Variants in PIBF1 observed in about 807,000 individuals in gnomAD.
PIBF1 encodes progesterone immunomodulatory binding factor 1.
Under a neutral mutation model 112.5 loss-of-function variants are expected in PIBF1, and 90 were observed. That is an observed-to-expected ratio of 0.80 (90% CI 0.67 to 0.95). PIBF1 has a LOEUF of 0.95. PIBF1 is among the 40% of genes least tolerant of loss of function. The pLI is 0.00. For missense variants in PIBF1, 915 were observed against 852.3 expected (o/e 1.07, Z -0.92); for synonymous variants, 301 against 288.6 (o/e 1.04, Z -0.44).
intron 15 of PIBF1, 86 bp downstream of exon 15, chr13:72,965,490 G>T (rs2138913459): frequency 9.2e-7 from 1 of 1,084,370 alleles, no homozygotes; most frequent in Non-Finnish European, 1.3e-6. Flanking sequence ...TGTAAATCAT[G>T]AACAGAAAAT....
In PIBF1 at chr13:72,783,601, C is replaced by T; in HGVS notation, c.132C>T (p.Val44=). ...CATCAGAAGAGCGAGAGGGCAAAGT[C>T]AGAATCACCAGGCAGCTAATTGAAC... ...ISSSEEREGK[V]RITRQLIERK... is the part of the protein sequence containing the mutation. Residue 44 remains valine, a synonymous_variant, in exon 2 of 18, where the codon GTC becomes GTT. Coordinates refer to ENST00000326291, the MANE Select transcript of PIBF1 (RefSeq NM_006346.4). 6.2e-7 allele frequency: 1 copy of T among 1,614,048 alleles called. No homozygotes were observed. The highest frequency in any genetic ancestry group is 8.5e-7 in the Non-Finnish European group (1 of 1,179,962).
At chr13:72,977,159 C>T (rs1164522246) in intron 16 of PIBF1, among the ~76,000 whole-genome samples, 2 of 149,524 alleles carry the variant, frequency 1.3e-5, no homozygotes, top group East Asian at 2.0e-4. Flanking sequence ...TTGCATTGGA[C>T]AGCTCTTGCT....
intron 5 of PIBF1, among the ~76,000 whole-genome samples, chr13:72,809,132 CTTTTTT>C (rs35219701): frequency 6.7e-5 from 5 of 74,854 alleles, no homozygotes; most frequent in Non-Finnish European, 9.5e-5. Flanking sequence ...GTATATGTCC[CTTTTTT>C]TTTTTTTTTT....
chr13:72,968,984 T>C (rs1434971315), intron 15 of PIBF1, among the ~76,000 whole-genome samples: 1 of 151,582 alleles, frequency 6.6e-6, no homozygotes, highest in Non-Finnish European at 1.5e-5. Flanking sequence ...GAGGTTGCAA[T>C]GAGCAACTGC....
intron 2 of PIBF1, among the ~76,000 whole-genome samples, chr13:72,787,860 A>G (rs1022992622): frequency 4.6e-5 from 7 of 151,978 alleles, no homozygotes; most frequent in Admixed American, 4.6e-4. Flanking sequence ...GGGTTTCACT[A>G]TGTTGGCCAG....
At chr13:72,965,460 T>A in intron 15 of PIBF1, 56 bp downstream of exon 15, 4 of 1,382,916 alleles carry the variant, frequency 2.9e-6, no homozygotes, top group Non-Finnish European at 4.0e-6. Flanking sequence ...ACCATATTGC[T>A]GCTGTAGGTG....
At position 72,850,431 on chromosome 13, in the gene PIBF1, T is replaced by G. The variant is rs537946254; in HGVS notation, c.1224-3626T>G. 1.1e-3 allele frequency among the ~76,000 whole-genome samples: 168 copies of G among 152,376 alleles called. 2 individuals carry two copies. The highest frequency in any genetic ancestry group is 1.7e-3 in the Non-Finnish European group (119 of 68,042). The stretch of plus-strand genomic sequence containing the variant: ...TGCCTTAACATAGTACTTAACATAG[T>G]ACCCGCTAATCATACCTCCTTTCAC... On this transcript the variant is annotated intron_variant, in intron 9 of 17. Coordinates refer to ENST00000326291, the MANE Select transcript of PIBF1 (RefSeq NM_006346.4).
chr13:72,988,150 C>T (rs1009464087), intron 16 of PIBF1, among the ~76,000 whole-genome samples: 3 of 151,794 alleles, frequency 2.0e-5, no homozygotes, highest in African/African-American at 7.3e-5. Context: ...CATGAGCCAC[C>T]GCACCTGGCC....
chr13:72,999,918 A>G (rs1016830664), intron 17 of PIBF1, among the ~76,000 whole-genome samples: 6 of 152,114 alleles, frequency 3.9e-5, no homozygotes, highest in Non-Finnish European at 8.8e-5. Context: ...AAAATACAAA[A>G]ATTACCCGGG....
At chr13:72,983,615 G>A (rs1455536551) in intron 16 of PIBF1, among the ~76,000 whole-genome samples, 1 of 152,154 alleles carries the variant, frequency 6.6e-6, no homozygotes, top group Non-Finnish European at 1.5e-5. Flanking sequence ...TTTATGGTAT[G>A]TTTGTGTTCC....
intron 10 of PIBF1, among the ~76,000 whole-genome samples, chr13:72,872,119 T>C (rs914958306): frequency 3.3e-5 from 5 of 152,174 alleles, no homozygotes; most frequent in African/African-American, 1.2e-4. Flanking sequence ...AGTTTCCTCA[T>C]GTATAAAATA....
rs892674889 is a variant in PIBF1, at chr13:73,016,352, A to T, written c.*433A>T. ...GTAATGGTGGTCAGATACCATGTAG[A>T]TGGATACAGATTGTTGACTCTTTTG... is the stretch of plus-strand genomic sequence containing the variant. On this transcript the variant is annotated 3_prime_UTR_variant, in exon 18 of 18. Coordinates refer to ENST00000326291, the MANE Select transcript of PIBF1 (RefSeq NM_006346.4). 9 of 152,256 alleles carry T rather than the reference A, an allele frequency of 5.9e-5. No individual in the cohort carries two copies. Among genetic ancestry groups the T allele is most frequent in the African/African-American group, 2.2e-4 (9 of 41,460 alleles). The allele number at this position is 152,256 out of a possible 1,614,324, so 9.4% of individuals were successfully genotyped here.
intron 11 of PIBF1, among the ~76,000 whole-genome samples, chr13:72,895,733 A>ATTGTGAATTTTAGCTCCAGG (rs2040256020): frequency 6.6e-6 from 1 of 152,134 alleles, no homozygotes; most frequent in African/African-American, 2.4e-5. Context: ...GTTGATCCAG[A>ATTGTGAATTTTAGCTCCAGG]TTGTGAATTT....
chr13:72,985,181 A>AC (rs2043245552), intron 16 of PIBF1, among the ~76,000 whole-genome samples: 2 of 151,034 alleles, frequency 1.3e-5, no homozygotes, highest in African/African-American at 2.4e-5. Context: ...ACACACACAC[A>AC]AAAAAAAACT....
chr13:72,892,667 A>G (rs777436963), intron 10 of PIBF1, among the ~76,000 whole-genome samples: 27 of 152,152 alleles, frequency 1.8e-4, no homozygotes, highest in African/African-American at 5.3e-4. Flanking sequence ...TAGATCCGTT[A>G]TAAGAATTAA....
At chr13:72,962,659 A>G (rs922548631) in intron 14 of PIBF1, among the ~76,000 whole-genome samples, 20 of 152,038 alleles carry the variant, frequency 1.3e-4, no homozygotes, top group Admixed American at 9.9e-4. Context: ...AAGACATCCC[A>G]TATTCATGGA....
chr13:72,963,786 T>C (rs942775707), intron 14 of PIBF1, among the ~76,000 whole-genome samples: 1 of 152,070 alleles, frequency 6.6e-6, no homozygotes, highest in Non-Finnish European at 1.5e-5. Context: ...TTGGGAAGAC[T>C]TCTCTCCAAA....
At chr13:72,784,314 TGGGTGCCTGTAATCCCAGCTGCTC>T (rs2034476221) in intron 2 of PIBF1, among the ~76,000 whole-genome samples, 2 of 142,758 alleles carry the variant, frequency 1.4e-5, no homozygotes, top group Admixed American at 1.4e-4. Context: ...GCCATGATGG[TGGGTGCCTGTAATCCCAGCTGCTC>T]GGGAGGCTGA....
At chr13:72,839,105 T>G (rs531649574) in intron 9 of PIBF1, among the ~76,000 whole-genome samples, 1 of 152,166 alleles carries the variant, frequency 6.6e-6, no homozygotes, top group African/African-American at 2.4e-5. Context: ...ATCACTGTAA[T>G]GTAGAGAATA....
Sources: allele counts gnomAD v4.1 joint callset (sites outside exome capture counted in the v4.1 genomes callset), GRCh38; gene constraint gnomAD v4.1.1; transcripts MANE v1.5; gene names NCBI Gene and HGNC (gene_info 2026-07-23, HGNC 2026-07-21).